Variants in CSMD1 observed in about 807,000 individuals in gnomAD.
CSMD1 encodes the protein CUB and sushi domain-containing protein 1.
Under a neutral mutation model 417.5 loss-of-function variants are expected in CSMD1, and 213 were observed. The observed-to-expected ratio is 0.51, with a 90% CI of 0.46 to 0.57. CSMD1 has a LOEUF of 0.57. Ranked by LOEUF, CSMD1 falls within the 20% of genes least tolerant of loss-of-function variation. The pLI is 0.00. For synonymous variants in CSMD1, 2,862 were observed against 1,736.8 expected, an observed-to-expected ratio of 1.65 and a Z score of -16.11; for missense variants, 6,923 against 4,529.7, an observed-to-expected ratio of 1.53 and a Z score of -15.17.
chr8:4,809,207 T>C (rs1361053572), intron 1 of CSMD1, among the ~76,000 whole-genome samples: 6 of 152,266 alleles, frequency 3.9e-5, no homozygotes, highest in Non-Finnish European at 8.8e-5. Context: ...TCACTGATAT[T>C]ATTCTTTAGG....
At chr8:4,690,783 C>A (rs574829639) in intron 1 of CSMD1, among the ~76,000 whole-genome samples, 105 of 152,216 alleles carry the variant, frequency 6.9e-4, no homozygotes, top group Admixed American at 6.9e-3. Flanking sequence ...GGCTGGAGTT[C>A]ACTGGTGCGA....
At chr8:4,558,626 G>A (rs1358935086) in intron 2 of CSMD1, among the ~76,000 whole-genome samples, 1 of 152,134 alleles carries the variant, frequency 6.6e-6, no homozygotes, top group Non-Finnish European at 1.5e-5. Flanking sequence ...CAGCACTTTG[G>A]GAGGCTGAGG....
At chr8:3,711,071 T>G (rs894653181) in intron 6 of CSMD1, among the ~76,000 whole-genome samples, 1 of 152,106 alleles carries the variant, frequency 6.6e-6, no homozygotes, top group Non-Finnish European at 1.5e-5. Flanking sequence ...TATTTTCCTA[T>G]AGCAAATGTT....
At chr8:4,286,513 A>G (rs1797063507) in intron 3 of CSMD1, among the ~76,000 whole-genome samples, 1 of 151,950 alleles carries the variant, frequency 6.6e-6, no homozygotes, top group African/African-American at 2.4e-5. Context: ...GAAGGAAGAC[A>G]CTCTTCTGAG....
intron 3 of CSMD1, among the ~76,000 whole-genome samples, chr8:4,044,750 C>A (rs113784966): frequency 6.7e-6 from 1 of 149,840 alleles, no homozygotes; most frequent in Non-Finnish European, 1.5e-5. Flanking sequence ...GGGCATGTAC[C>A]ACCCTGGCCA....
At chr8:4,942,721 A>C (rs4538908) in intron 1 of CSMD1, among the ~76,000 whole-genome samples, 1 of 151,908 alleles carries the variant, frequency 6.6e-6, no homozygotes, top group Non-Finnish European at 1.5e-5. Flanking sequence ...ATCAGTGGAG[A>C]ATCCAATACC....
intron 5 of CSMD1, among the ~76,000 whole-genome samples, chr8:3,811,306 G>C (rs1253718891): frequency 1.3e-5 from 2 of 152,158 alleles, no homozygotes; most frequent in Admixed American, 6.5e-5. Context: ...CTGCTAACCT[G>C]CTATAACCTT....
At chr8:4,884,980 A>G (rs997946656) in intron 1 of CSMD1, among the ~76,000 whole-genome samples, 1 of 152,176 alleles carries the variant, frequency 6.6e-6, no homozygotes, top group African/African-American at 2.4e-5. Flanking sequence ...ACAGAAATTC[A>G]GTATTTCATC....
At chr8:3,315,066 A>G (rs924738) in intron 23 of CSMD1, among the ~76,000 whole-genome samples, 138,268 of 152,226 alleles carry the variant, frequency 0.91, 63,017 homozygotes, top group Middle Eastern at 0.96. Flanking sequence ...AGTATTTACA[A>G]AAACATACTA....
intron 3 of CSMD1, among the ~76,000 whole-genome samples, chr8:4,156,667 T>C (rs1210318631): frequency 6.6e-6 from 1 of 152,116 alleles, no homozygotes; most frequent in African/African-American, 2.4e-5. Context: ...CTGCTTGTGA[T>C]TTAAGATAAT....
intron 10 of CSMD1, among the ~76,000 whole-genome samples, chr8:3,527,153 G>A (rs1426460594): frequency 2.6e-5 from 4 of 151,960 alleles, no homozygotes; most frequent in Admixed American, 6.6e-5. Flanking sequence ...CTCTCTCCAC[G>A]TTTTTATAAC....
At chr8:3,646,578 C>T (rs1797581302) in intron 7 of CSMD1, among the ~76,000 whole-genome samples, 1 of 152,190 alleles carries the variant, frequency 6.6e-6, no homozygotes, top group Non-Finnish European at 1.5e-5. Flanking sequence ...CCCTGATTCT[C>T]AGTAGGACCG....
At chr8:4,302,099 C>T (rs536166344) in intron 3 of CSMD1, among the ~76,000 whole-genome samples, 47 of 152,260 alleles carry the variant, frequency 3.1e-4, no homozygotes, top group African/African-American at 1.1e-3. Flanking sequence ...TATAGTTCAT[C>T]ATGTTCATTA....
chr8:3,002,966 T>C (rs1444672167), intron 52 of CSMD1, among the ~76,000 whole-genome samples: 2 of 152,262 alleles, frequency 1.3e-5, no homozygotes, highest in African/African-American at 4.8e-5. Flanking sequence ...ATCAGCAGGA[T>C]TGCCTAGTAT....
At chr8:4,246,544 G>A (rs957528061) in intron 3 of CSMD1, among the ~76,000 whole-genome samples, 1 of 152,106 alleles carries the variant, frequency 6.6e-6, no homozygotes, top group Non-Finnish European at 1.5e-5. Flanking sequence ...TACTTAAGAT[G>A]TTTCATGAGG....
chr8:3,060,276 G>C (rs755829428), intron 49 of CSMD1, among the ~76,000 whole-genome samples: 2 of 151,716 alleles, frequency 1.3e-5, no homozygotes, highest in Non-Finnish European at 2.9e-5. Flanking sequence ...CTCCTGAGTA[G>C]CTGGGATTAC....
chr8:4,952,594 T>C (rs184635374), intron 1 of CSMD1, among the ~76,000 whole-genome samples: 315 of 152,220 alleles, frequency 2.1e-3, no homozygotes, highest in African/African-American at 6.8e-3. Context: ...TGATTTTGTA[T>C]TTAATTCACA....
intron 2 of CSMD1, among the ~76,000 whole-genome samples, chr8:4,519,353 A>G (rs1803302267): frequency 1.3e-5 from 2 of 152,156 alleles, no homozygotes; most frequent in African/African-American, 4.8e-5. Context: ...AAATGATAAA[A>G]AAGAAAAGAA....
At chr8:4,661,739 T>C (rs1348963024) in intron 1 of CSMD1, among the ~76,000 whole-genome samples, 3 of 152,190 alleles carry the variant, frequency 2.0e-5, no homozygotes, top group African/African-American at 7.2e-5. Context: ...AAACAAAATA[T>C]AGACTAAGAT....
Sources: allele counts gnomAD v4.1 joint callset (sites outside exome capture counted in the v4.1 genomes callset), GRCh38; gene constraint gnomAD v4.1.1; transcripts MANE v1.5; gene names NCBI Gene and HGNC (gene_info 2026-07-23, HGNC 2026-07-21).